The following SUCLG2 variants were observed in gnomAD, a reference collection of about 807,000 sequenced individuals.
SUCLG2 encodes the protein succinate--CoA ligase [GDP-forming] subunit beta, mitochondrial.
Under a neutral mutation model 47.9 loss-of-function variants are expected in SUCLG2, and 42 were observed. The observed-to-expected ratio is 0.88, with a 90% CI of 0.69 to 1.14. The LOEUF (loss-of-function observed/expected upper bound fraction) is 1.14, where lower values mean the gene tolerates loss of function less well. SUCLG2 is among the 50% of genes most tolerant of loss of function. The pLI, the probability that SUCLG2 is intolerant of heterozygous loss-of-function variation, is 0.00. For missense variants in SUCLG2, 571 were observed against 525.9 expected (o/e 1.09, Z -0.84); for synonymous variants, 195 against 197.3 (o/e 0.99, Z 0.10).
At chr3:67,565,928 T>C (rs1329465972) in intron 2 of SUCLG2, among the ~76,000 whole-genome samples, 2 of 152,246 alleles carry the variant, frequency 1.3e-5, no homozygotes, top group Non-Finnish European at 2.9e-5. Flanking sequence ...AAAAGTCTTG[T>C]TCATCTTAGC....
At chr3:67,601,366 C>A (rs1252751707) in intron 2 of SUCLG2, among the ~76,000 whole-genome samples, 1 of 151,896 alleles carries the variant, frequency 6.6e-6, no homozygotes, top group East Asian at 1.9e-4. Context: ...TTTCCAATAT[C>A]AAAATAATGA....
intron 2 of SUCLG2, among the ~76,000 whole-genome samples, chr3:67,530,525 G>T (rs117967127): frequency 6.6e-5 from 10 of 152,170 alleles, no homozygotes; most frequent in Non-Finnish European, 1.5e-4. Context: ...AGCAGGTAAA[G>T]GTTCAAACGG....
Position 67,415,297 on chromosome 3 carries a change from G to A in SUCLG2, c.1063-14446C>T, listed in dbSNP as rs114281372. The stretch of plus-strand genomic sequence containing the variant: ...TGGAGAAGGACACAAGGATTTCTCC[G>A]GCTACAAAACGAGGATTGAAGAGTT... On this transcript the variant is annotated intron_variant, in intron 9 of 10. Transcript: ENST00000307227. Among the ~76,000 whole-genome samples, 1,097 of 152,202 alleles carry A rather than the reference G, an allele frequency of 7.2e-3. 17 individuals are homozygous for A. The highest frequency in any genetic ancestry group is 0.024 in the African/African-American group (1,007 of 41,544).
At chr3:67,505,581 T>C (rs761184548) in intron 7 of SUCLG2, among the ~76,000 whole-genome samples, 2 of 152,054 alleles carry the variant, frequency 1.3e-5, no homozygotes, top group Non-Finnish European at 1.5e-5. Flanking sequence ...ACGGCATCAC[T>C]TGTTGTACAA....
chr3:67,583,517 A>T (rs893332760), intron 2 of SUCLG2, among the ~76,000 whole-genome samples: 10 of 152,222 alleles, frequency 6.6e-5, no homozygotes, highest in African/African-American at 2.4e-4. Context: ...GCAGATTATT[A>T]CAAATGTAAA....
chr3:67,647,306 C>G (rs1701209647), intron 1 of SUCLG2, among the ~76,000 whole-genome samples: 1 of 152,156 alleles, frequency 6.6e-6, no homozygotes, highest in African/African-American at 2.4e-5. Context: ...TGTTAGAAAT[C>G]TATGCATTTA....
chr3:67,561,740 G>T (rs1201627745), intron 2 of SUCLG2, among the ~76,000 whole-genome samples: 1 of 151,940 alleles, frequency 6.6e-6, no homozygotes, highest in Non-Finnish European at 1.5e-5. Context: ...ACTTTTCAGT[G>T]GTGCATAATC....
At chr3:67,398,258 C>T (rs576529583) in intron 10 of SUCLG2, among the ~76,000 whole-genome samples, 1,936 of 150,484 alleles carry the variant, frequency 0.013, 40 homozygotes, top group African/African-American at 0.021. Flanking sequence ...AGAAAATTTT[C>T]GCAACCTACT....
downstream of SUCLG2, among the ~76,000 whole-genome samples, chr3:67,374,025 T>A (rs1040713898): frequency 6.6e-6 from 1 of 152,220 alleles, no homozygotes; most frequent in African/African-American, 2.4e-5. Flanking sequence ...TTGGGTTGAC[T>A]GGAAACATCA....
intron 7 of SUCLG2, among the ~76,000 whole-genome samples, chr3:67,502,046 C>G (rs984548822): frequency 6.6e-6 from 1 of 152,130 alleles, no homozygotes; most frequent in Non-Finnish European, 1.5e-5. Flanking sequence ...GCTGGTTCAT[C>G]AGAAGTACCA....
Position 67,654,505 on chromosome 3 carries a change from G to C in SUCLG2, c.82C>G (p.Gln28Glu). The change falls in exon 1 of 11, where the codon CAG becomes GAG. Residue 28 changes from glutamine (Q) to glutamate (E), a missense_variant and splice_region_variant. Gln to Glu is a conservative substitution (Grantham distance 29, BLOSUM62 2). Transcript: ENST00000307227. ...GCAGCTCCTGCCCCCACGCTCACCT[G>C]GGACCCGGCCGCCAGGAAGCGGGGC... ...LRPRFLAAGS[Q>E]AVQLTSRRWL... is the part of the protein sequence containing the mutation. 8.1e-7 allele frequency: 1 copy of C among 1,239,900 alleles called. No individual in the cohort carries two copies. Among genetic ancestry groups the C allele is most frequent in the Non-Finnish European group, 1.0e-6 (1 of 990,660 alleles). The allele number at this position is 1,239,900 out of a possible 1,614,324, so 76.8% of individuals were successfully genotyped here.
At chr3:67,637,017 T>C (rs1464019212) in intron 1 of SUCLG2, among the ~76,000 whole-genome samples, 1 of 151,914 alleles carries the variant, frequency 6.6e-6, no homozygotes, top group Non-Finnish European at 1.5e-5. Flanking sequence ...CAGAACAGCA[T>C]CATGAGTGAT....
intron 10 of SUCLG2, among the ~76,000 whole-genome samples, chr3:67,368,199 A>T (rs571537592): frequency 6.6e-6 from 1 of 152,308 alleles, no homozygotes; most frequent in Admixed American, 6.5e-5. Context: ...GAGAAGTATG[A>T]GTCCAGTAAA....
intron 9 of SUCLG2, among the ~76,000 whole-genome samples, chr3:67,472,371 T>A (rs1450516310): frequency 6.6e-6 from 1 of 152,224 alleles, no homozygotes; most frequent in South Asian, 2.1e-4. Context: ...ATGTGTTAGA[T>A]CTAGATTAGG....
chr3:67,400,418 T>C (rs767159363), intron 10 of SUCLG2, among the ~76,000 whole-genome samples: 35 of 152,176 alleles, frequency 2.3e-4, no homozygotes, highest in Non-Finnish European at 4.4e-4. Context: ...TGATGCATGA[T>C]TCTCAGAGAA....
intron 10 of SUCLG2, among the ~76,000 whole-genome samples, chr3:67,390,404 C>G (rs1702355039): frequency 6.6e-6 from 1 of 152,178 alleles, no homozygotes; most frequent in African/African-American, 2.4e-5. Context: ...TTGTTCTCAG[C>G]TGTATAATAA....
intron 9 of SUCLG2, among the ~76,000 whole-genome samples, chr3:67,455,487 G>A (rs1205451237): frequency 6.6e-6 from 1 of 152,182 alleles, no homozygotes; most frequent in East Asian, 1.9e-4. Context: ...GAGGAAAAGA[G>A]GAGATTTTAA....
intron 2 of SUCLG2, among the ~76,000 whole-genome samples, chr3:67,590,555 C>T (rs1708132968): frequency 6.6e-6 from 1 of 152,120 alleles, no homozygotes; most frequent in South Asian, 2.1e-4. Flanking sequence ...TGGCACCTCC[C>T]ACCTCCCACT....
intron 9 of SUCLG2, among the ~76,000 whole-genome samples, chr3:67,488,121 A>T (rs11709258): frequency 0.56 from 85,314 of 151,382 alleles, 24,533 homozygotes; most frequent in Middle Eastern, 0.66. Context: ...ATATATATAT[A>T]TTTTTTAAAA....
Sources: allele counts gnomAD v4.1 joint callset (sites outside exome capture counted in the v4.1 genomes callset), GRCh38; gene constraint gnomAD v4.1.1; transcripts MANE v1.5; gene names NCBI Gene and HGNC (gene_info 2026-07-23, HGNC 2026-07-21).